PLXNC1: variants seen among roughly 807,000 people sequenced by gnomAD.
The protein encoded by PLXNC1 is plexin C1, also known as plexin-C1.
PLXNC1 carries 75 observed loss-of-function variants against 178.2 expected under a neutral mutation model. That is an observed-to-expected ratio of 0.42 (90% CI 0.35 to 0.51). PLXNC1 has a LOEUF of 0.51. Among genes scored for constraint, PLXNC1 ranks in the 20% least tolerant of loss-of-function variants. The pLI is 0.02. For synonymous variants in PLXNC1, 790 were observed against 779.9 expected, an observed-to-expected ratio of 1.01 and a Z score of -0.22; for missense variants, 1,503 against 1,984.4, an observed-to-expected ratio of 0.76 and a Z score of 4.61.
At chr12:94,212,901 A>G (rs1185718241) in intron 5 of PLXNC1, among the ~76,000 whole-genome samples, 1 of 151,734 alleles carries the variant, frequency 6.6e-6, no homozygotes, top group Non-Finnish European at 1.5e-5. Flanking sequence ...TTGTATTTTT[A>G]GTAGAGATGG....
chr12:94,245,720 A>T (rs1964511642), intron 12 of PLXNC1, among the ~76,000 whole-genome samples: 1 of 152,164 alleles, frequency 6.6e-6, no homozygotes, highest in African/African-American at 2.4e-5. Context: ...TCAGGTACAG[A>T]GGACAGAGTC....
intron 21 of PLXNC1, among the ~76,000 whole-genome samples, chr12:94,273,074 G>A (rs909003401): frequency 2.0e-5 from 3 of 152,172 alleles, no homozygotes; most frequent in Non-Finnish European, 4.4e-5. Context: ...CTCTGGTCTC[G>A]GTTTCCTCAT....
At chr12:94,187,352 G>C (rs187336798) in intron 4 of PLXNC1, among the ~76,000 whole-genome samples, 4 of 152,158 alleles carry the variant, frequency 2.6e-5, no homozygotes, top group African/African-American at 9.7e-5. Flanking sequence ...GTGACTGAAG[G>C]GGGAGACAGC....
At chr12:94,197,406 G>A (rs1248078989) in intron 4 of PLXNC1, among the ~76,000 whole-genome samples, 7 of 148,012 alleles carry the variant, frequency 4.7e-5, no homozygotes, top group African/African-American at 1.8e-4. Context: ...CACAGGAGTA[G>A]GTTCCTGATA....
intron 2 of PLXNC1, among the ~76,000 whole-genome samples, chr12:94,179,139 T>C (rs868046929): frequency 2.4e-4 from 36 of 152,126 alleles, no homozygotes; most frequent in East Asian, 1.9e-4. Context: ...CTGTGCAAAA[T>C]TGATAAGAAG....
At chr12:94,175,990 A>T (rs757493928) in intron 2 of PLXNC1, among the ~76,000 whole-genome samples, 1 of 152,224 alleles carries the variant, frequency 6.6e-6, no homozygotes, top group Non-Finnish European at 1.5e-5. Context: ...GACTTGAAAG[A>T]TAAAGGAGTA....
chr12:94,256,383 T>C (rs2136075840), intron 17 of PLXNC1: 1 of 152,306 alleles, frequency 6.6e-6, no homozygotes, highest in East Asian at 1.9e-4. Context: ...TGCCATATTT[T>C]TTGGTCCAAG....
At chr12:94,208,671 T>C (rs1281968653) in intron 4 of PLXNC1, among the ~76,000 whole-genome samples, 1 of 152,234 alleles carries the variant, frequency 6.6e-6, no homozygotes, top group Non-Finnish European at 1.5e-5. Flanking sequence ...GGAGGTGTAG[T>C]ACTAGAAATA....
intron 21 of PLXNC1, among the ~76,000 whole-genome samples, chr12:94,275,044 G>A (rs537992455): frequency 2.0e-5 from 3 of 152,260 alleles, no homozygotes. Context: ...GAAGTTAGAC[G>A]ACTTCCCTAC....
chr12:94,187,115 CT>C (rs900508376), intron 4 of PLXNC1, among the ~76,000 whole-genome samples: 3 of 151,694 alleles, frequency 2.0e-5, no homozygotes, highest in Middle Eastern at 3.2e-3. Context: ...CAACCCAGTA[CT>C]GGGGCTCTTG....
At chr12:94,154,162 G>A (rs766701215) in intron 1 of PLXNC1, among the ~76,000 whole-genome samples, 82 of 152,200 alleles carry the variant, frequency 5.4e-4, no homozygotes, top group Non-Finnish European at 9.8e-4. Context: ...CAATTTACAT[G>A]CCTTATTTTC....
intron 4 of PLXNC1, among the ~76,000 whole-genome samples, chr12:94,193,566 A>G (rs1230009770): frequency 6.6e-6 from 1 of 152,210 alleles, no homozygotes; most frequent in Non-Finnish European, 1.5e-5. Flanking sequence ...TGAAGAAAAC[A>G]AACAAGTGAT....
intron 4 of PLXNC1, among the ~76,000 whole-genome samples, chr12:94,192,624 C>T (rs1261576640): frequency 6.6e-6 from 1 of 152,062 alleles, no homozygotes; most frequent in Non-Finnish European, 1.5e-5. Flanking sequence ...CCATGTTTCT[C>T]ATTCTGTACA....
At chr12:94,180,226 T>C (rs751751927) in intron 2 of PLXNC1, among the ~76,000 whole-genome samples, 1 of 152,196 alleles carries the variant, frequency 6.6e-6, no homozygotes, top group Non-Finnish European at 1.5e-5. Flanking sequence ...TGTTCACTCC[T>C]CTACCTCTCT....
chr12:94,198,383 C>T (rs1317260334), intron 4 of PLXNC1, among the ~76,000 whole-genome samples: 2 of 152,136 alleles, frequency 1.3e-5, no homozygotes, highest in African/African-American at 4.8e-5. Flanking sequence ...TCAGCTAATG[C>T]AAGCTGAGCT....
intron 9 of PLXNC1, 174 bp downstream of exon 9, chr12:94,227,409 A>C: frequency 1.2e-5 from 6 of 513,078 alleles, no homozygotes; most frequent in East Asian, 3.2e-5. Context: ...CAATACATCA[A>C]TGGCTGGACA....
At chr12:94,268,222 A>C (rs1291858592) in intron 21 of PLXNC1, among the ~76,000 whole-genome samples, 3 of 152,152 alleles carry the variant, frequency 2.0e-5, no homozygotes, top group African/African-American at 7.2e-5. Flanking sequence ...GTTCTCCCTG[A>C]GGTGTGGGGG....
intron 23 of PLXNC1, among the ~76,000 whole-genome samples, chr12:94,285,281 T>C (rs1297793546): frequency 6.6e-6 from 1 of 152,154 alleles, no homozygotes; most frequent in Non-Finnish European, 1.5e-5. Flanking sequence ...CTCTGCCAGA[T>C]TCTCCCCTTG....
In PLXNC1 at chr12:94,149,733, G is replaced by A. The variant is rs186062167; in HGVS notation, c.762G>A (p.Thr254=). 5 of 1,611,850 alleles carry A rather than the reference G, an allele frequency of 3.1e-6. No individual in the cohort carries two copies. The highest frequency in any genetic ancestry group is 4.2e-6 in the Non-Finnish European group (5 of 1,179,496). The change falls in exon 1 of 31, where the codon ACG becomes ACA. Residue 254 remains threonine (T), a synonymous_variant. Coordinates refer to ENST00000258526, the MANE Select transcript of PLXNC1 (RefSeq NM_005761.3). ...IYFPYYPYNY[T]SGAATGWPSM... ...TCCCCTACTACCCCTACAACTACAC[G>A]AGCGGCGCTGCCACCGGCTGGCCCA...
Sources: allele counts gnomAD v4.1 joint callset (sites outside exome capture counted in the v4.1 genomes callset), GRCh38; gene constraint gnomAD v4.1.1; transcripts MANE v1.5; gene names NCBI Gene and HGNC (gene_info 2026-07-23, HGNC 2026-07-21).